Variants in DIPK2B observed in about 807,000 individuals in gnomAD.
DIPK2B encodes the protein UPF0672 protein CXorf36.
DIPK2B carries 15 observed loss-of-function variants against 22.2 expected under a neutral mutation model. The observed-to-expected ratio is 0.68, with a 90% CI of 0.45 to 1.04. The LOEUF (loss-of-function observed/expected upper bound fraction) is 1.04. Among genes scored for constraint, DIPK2B ranks in the 50% least tolerant of loss-of-function variants. DIPK2B has a pLI of 0.00. For synonymous variants in DIPK2B, 163 were observed against 153.2 expected, an observed-to-expected ratio of 1.06 and a Z score of -0.47; for missense variants, 345 against 348.3, an observed-to-expected ratio of 0.99 and a Z score of 0.08.
At chrX:45,182,767 G>A (rs1325752782) in intron 2 of DIPK2B, among the ~76,000 whole-genome samples, 1 of 112,985 alleles carries the variant, frequency 8.9e-6, no homozygotes, top group Non-Finnish European at 1.9e-5. Flanking sequence ...TGTACATATT[G>A]TACGATTCCA....
chrX:45,185,400 A>G (rs72628908), intron 2 of DIPK2B, among the ~76,000 whole-genome samples: 2 of 111,382 alleles, frequency 1.8e-5, no homozygotes, highest in East Asian at 5.6e-4. Context: ...ATCTAAGTTT[A>G]GGGAAAGCTT....
intron 2 of DIPK2B, among the ~76,000 whole-genome samples, chrX:45,176,173 A>AT (rs1015544081): frequency 7.2e-5 from 8 of 110,691 alleles, no homozygotes; most frequent in Non-Finnish European, 1.5e-4. Flanking sequence ...AGGGGGCATA[A>AT]TTTTTTCACC....
At position 45,168,734 on chromosome X, in the gene DIPK2B, T is replaced by G. The variant is rs978474691; in HGVS notation, c.499-10846A>C. On this transcript the variant is annotated intron_variant, in intron 2 of 4. Coordinates refer to ENST00000398000, the MANE Select transcript of DIPK2B (RefSeq NM_176819.4). ...GCCTCCCGCATGTCTTCTCCGTGTC[T>G]CCCCTCTTCAGGCCAACTGCCTGCG... 1.7e-4 allele frequency among the ~76,000 whole-genome samples: 19 copies of G among 112,017 alleles called. 1 individual carries two copies. The highest frequency in any genetic ancestry group is 9.4e-4 in the Admixed American group (10 of 10,654).
intron 2 of DIPK2B, among the ~76,000 whole-genome samples, chrX:45,165,992 CA>C (rs2047046971): frequency 8.9e-6 from 1 of 111,999 alleles, no homozygotes; most frequent in South Asian, 3.7e-4. Context: ...CTTCCATGGC[CA>C]CTTGCTTAGG....
Position 45,157,698 on chromosome X carries a change from G to T in DIPK2B, c.672+17C>A. ...GATTGACCCCCAACCTAGAGGGCTT[G>T]CCAGGTCGCTGCATACCTGTAGGAG... On this transcript the variant is annotated intron_variant, in intron 3 of 4. Coordinates refer to ENST00000398000, the MANE Select transcript of DIPK2B (RefSeq NM_176819.4). 1.7e-6 allele frequency: 2 copies of T among 1,174,860 alleles called. No individual in the cohort carries two copies. Among genetic ancestry groups the T allele is most frequent in the Non-Finnish European group, 2.3e-6 (2 of 873,223 alleles).
chrX:45,198,196 T>C (rs1420298717), intron 1 of DIPK2B, among the ~76,000 whole-genome samples: 1 of 111,874 alleles, frequency 8.9e-6, no homozygotes, highest in Non-Finnish European at 1.9e-5. Context: ...GGCAAGGAAA[T>C]GCAACAAAAT....
Position 45,148,813 on chromosome X carries a change from TA to T in DIPK2B, c.*2838del, listed in dbSNP as rs1213742391. On this transcript the variant is annotated 3_prime_UTR_variant, in exon 5 of 5. Coordinates refer to ENST00000398000, the MANE Select transcript of DIPK2B (RefSeq NM_176819.4). ...CACAAAATTTTATTGTAATTTATACTAAAAACCAATCTCCCTACAGCTCCTC... is the reference window on the plus strand; with the variant it reads ...CACAAAATTTTATTGTAATTTATACTAAAACCAATCTCCCTACAGCTCCTC... The T allele has an allele frequency of 9.0e-6, 1 of 111,353 alleles. No individual in the cohort carries two copies. The allele number at this position is 111,353 out of a possible 1,213,427, so 9.2% of individuals were successfully genotyped here.
At position 45,192,027 on chromosome X, in the gene DIPK2B, A is replaced by G. The variant is rs377002508; in HGVS notation, c.234-12T>C. 108 of 1,198,315 alleles carry G rather than the reference A, an allele frequency of 9.0e-5. No homozygotes were observed. The African/African-American group carries it at 1.7e-3, about 19-fold the overall frequency. ...GCCAGTTGTCAGATCTGTTGGAAGA[A>G]TAGCCCTTTGAGGATTGGCCTGTGA... On this transcript the variant is annotated splice_polypyrimidine_tract_variant and intron_variant, in intron 1 of 4. Transcript: ENST00000398000.
At chrX:45,191,617 A>G in intron 2 of DIPK2B, 134 bp downstream of exon 2, 2 of 782,052 alleles carry the variant, frequency 2.6e-6, no homozygotes, top group Non-Finnish European at 1.8e-6. Flanking sequence ...CTGTTTTATG[A>G]CAGTGTTTTG....
intron 1 of DIPK2B, among the ~76,000 whole-genome samples, chrX:45,193,431 G>GA (rs1296360104): frequency 5.4e-5 from 6 of 111,769 alleles, no homozygotes; most frequent in Non-Finnish European, 7.5e-5. Context: ...AGACTGTGTT[G>GA]TTTTTTTCTC....
chrX:45,193,382 G>A (rs887980536), intron 1 of DIPK2B, among the ~76,000 whole-genome samples: 2 of 112,059 alleles, frequency 1.8e-5, no homozygotes, highest in African/African-American at 6.5e-5. Flanking sequence ...TGGATAATGC[G>A]TTTTGGAAGA....
intron 1 of DIPK2B, among the ~76,000 whole-genome samples, chrX:45,196,828 C>T (rs940558199): frequency 2.7e-5 from 3 of 112,013 alleles, no homozygotes; most frequent in Admixed American, 9.5e-5. Context: ...CAGACTTACT[C>T]ATTTCCCTAG....
chrX:45,199,138 G>A (rs1354872818), intron 1 of DIPK2B, among the ~76,000 whole-genome samples: 1 of 112,121 alleles, frequency 8.9e-6, no homozygotes, highest in African/African-American at 3.2e-5. Context: ...AGGCTTAATA[G>A]GAAAAGTCCA....
chrX:45,156,227 C>A (rs1335244667), intron 3 of DIPK2B, among the ~76,000 whole-genome samples: 2 of 110,699 alleles, frequency 1.8e-5, no homozygotes. Context: ...CCACCTCAGC[C>A]TCCCAAAGTG....
At chrX:45,198,355 C>G (rs1014016992) in intron 1 of DIPK2B, among the ~76,000 whole-genome samples, 7 of 111,512 alleles carry the variant, frequency 6.3e-5, no homozygotes, top group African/African-American at 2.3e-4. Flanking sequence ...GAAAAGGACT[C>G]TAAACAGGAC....
At chrX:45,183,371 C>T (rs1351940900) in intron 2 of DIPK2B, 1 of 111,973 alleles carries the variant, frequency 8.9e-6, no homozygotes, top group African/African-American at 3.2e-5. Context: ...GAGAGATTCA[C>T]AGAGACCTGG....
At position 45,150,348 on chromosome X, in the gene DIPK2B, G is replaced by A. The variant is rs767706939; in HGVS notation, c.*1304C>T. On this transcript the variant is annotated 3_prime_UTR_variant, in exon 5 of 5. Transcript: ENST00000398000. Reference sequence around the variant, plus strand: ...GTACATGGAAGCCTACATACCATGTGGCTAAATATTTAAAAAGCAAACTAA... The same window carrying A: ...GTACATGGAAGCCTACATACCATGTAGCTAAATATTTAAAAAGCAAACTAA... 1 of 112,075 alleles carries A rather than the reference G, an allele frequency of 8.9e-6. No individual in the cohort carries two copies. The highest frequency in any genetic ancestry group is 3.2e-5 in the African/African-American group (1 of 30,854). The allele number at this position is 112,075 out of a possible 1,213,427, so 9.2% of individuals were successfully genotyped here.
chrX:45,183,917 C>A lies in DIPK2B; in HGVS notation c.498+7834G>T, dbSNP rs1317865133. Among the ~76,000 whole-genome samples the A allele has an allele frequency of 2.7e-5, 3 of 111,684 alleles. No homozygotes were observed. The East Asian group carries it at 8.3e-4, about 31-fold the overall frequency. On this transcript the variant is annotated intron_variant, in intron 2 of 4. Coordinates refer to ENST00000398000, the MANE Select transcript of DIPK2B (RefSeq NM_176819.4). ...CTAAGACATAGATAAAAATTGTGTT[C>A]ATCAAAACTGAGAATAATATGTACT...
intron 1 of DIPK2B, among the ~76,000 whole-genome samples, chrX:45,196,491 A>C (rs2047239870): frequency 9.0e-6 from 1 of 111,619 alleles, no homozygotes; most frequent in African/African-American, 3.3e-5. Flanking sequence ...AGGCAAAATC[A>C]GGCCTGACGA....
Sources: allele counts gnomAD v4.1 joint callset (sites outside exome capture counted in the v4.1 genomes callset), GRCh38; gene constraint gnomAD v4.1.1; transcripts MANE v1.5; gene names NCBI Gene and HGNC (gene_info 2026-07-23, HGNC 2026-07-21).